HIVEP1: variants seen among roughly 807,000 people sequenced by gnomAD.
HIVEP1 encodes HIVEP zinc finger 1.
Under a neutral mutation model 180.0 loss-of-function variants are expected in HIVEP1, and 36 were observed. The ratio of observed to expected loss-of-function variants is 0.20; its 90% CI spans 0.15 to 0.26. The LOEUF (loss-of-function observed/expected upper bound fraction) is 0.26. HIVEP1 is among the 10% of genes least tolerant of loss of function. The pLI is 1.00. For missense variants in HIVEP1, 3,143 were observed against 3,268.7 expected (o/e 0.96, Z 0.94); for synonymous variants, 1,239 against 1,239.0 (o/e 1.00, Z 0.00).
the HIVEP1 span, among the ~76,000 whole-genome samples, chr6:12,190,781 G>C: frequency 6.6e-6 from 1 of 151,932 alleles, no homozygotes; most frequent in African/African-American, 2.4e-5. Flanking sequence ...TTCTCTTGTC[G>C]ACACCTGTAA....
intron 2 of HIVEP1, among the ~76,000 whole-genome samples, chr6:12,022,634 C>T (rs1344252132): frequency 6.6e-6 from 1 of 152,140 alleles, no homozygotes; most frequent in Admixed American, 6.5e-5. Context: ...TAAGCATTTG[C>T]CACAGTGCCT....
intron 2 of HIVEP1, among the ~76,000 whole-genome samples, chr6:12,042,927 T>G (rs996413666): frequency 6.6e-6 from 1 of 152,244 alleles, no homozygotes; most frequent in African/African-American, 2.4e-5. Flanking sequence ...CCATTTGTAC[T>G]TATTTTTGTG....
chr6:12,164,905 G>A lies in HIVEP1; in HGVS notation c.*444G>A, dbSNP rs1760654354. 4.2e-6 allele frequency: 1 copy of A among 236,820 alleles called. No homozygotes were observed. The highest frequency in any genetic ancestry group is 8.5e-6 in the Non-Finnish European group (1 of 117,680). 14.7% of individuals were successfully genotyped at this position (236,820 alleles called of 1,614,324 possible). A position where few individuals can be genotyped will look rare whatever the true frequency, so the allele number is the denominator to read the frequency against. ...TGTATTCATATTAGTCTTTGAAAAT[G>A]GGTCTGTCCTCCTTGTGTAAGACAG... On this transcript the variant is annotated 3_prime_UTR_variant, in exon 9 of 9. Coordinates refer to ENST00000379388, the MANE Select transcript of HIVEP1 (RefSeq NM_002114.4).
chr6:12,168,949 G>T (rs145103933), downstream of HIVEP1, among the ~76,000 whole-genome samples: 2 of 150,350 alleles, frequency 1.3e-5, no homozygotes, highest in Non-Finnish European at 3.0e-5. Flanking sequence ...GTGCAGTGGC[G>T]CAATCTCAGC....
the HIVEP1 span, among the ~76,000 whole-genome samples, chr6:12,197,024 A>C: frequency 6.6e-6 from 1 of 152,250 alleles, no homozygotes; most frequent in African/African-American, 2.4e-5. Context: ...AAGTAAATCA[A>C]CTTCAATTCA....
At chr6:12,158,648 C>T (rs776971053) in intron 7 of HIVEP1, among the ~76,000 whole-genome samples, 1 of 152,108 alleles carries the variant, frequency 6.6e-6, no homozygotes, top group Non-Finnish European at 1.5e-5. Flanking sequence ...TCTCAGTTCT[C>T]CTCCCTCTCC....
At chr6:12,108,521 C>G (rs925769411) in intron 3 of HIVEP1, among the ~76,000 whole-genome samples, 1 of 152,342 alleles carries the variant, frequency 6.6e-6, no homozygotes, top group Non-Finnish European at 1.5e-5. Context: ...CTGCAGGTCC[C>G]GAGCCCTGCC....
intron 2 of HIVEP1, among the ~76,000 whole-genome samples, chr6:12,065,886 T>C (rs191810045): frequency 6.6e-6 from 1 of 152,208 alleles, no homozygotes; most frequent in Non-Finnish European, 1.5e-5. Context: ...GGTTCAGATG[T>C]AGATGTGAAG....
the HIVEP1 span, among the ~76,000 whole-genome samples, chr6:12,170,213 A>G: frequency 6.6e-6 from 1 of 152,198 alleles, no homozygotes; most frequent in Non-Finnish European, 1.5e-5. Flanking sequence ...AAGAGTAAGT[A>G]AGCAAGATGC....
At chr6:12,136,838 T>TA (rs1355971309) in intron 7 of HIVEP1, among the ~76,000 whole-genome samples, 4 of 152,176 alleles carry the variant, frequency 2.6e-5, no homozygotes, top group African/African-American at 9.7e-5. Flanking sequence ...AGAATAGAAA[T>TA]ATGTTTTTGT....
chr6:12,208,956 C>T, the HIVEP1 span, among the ~76,000 whole-genome samples: 2 of 152,348 alleles, frequency 1.3e-5, no homozygotes, highest in South Asian at 4.1e-4. Context: ...GGATTAATCT[C>T]CTACTTCTTG....
chr6:12,167,572 TTATATATACGTTATATTACATG>T (rs797012563), downstream of HIVEP1, among the ~76,000 whole-genome samples: 2,228 of 8,230 alleles, frequency 0.27, 30 homozygotes, highest in African/African-American at 0.32. Context: ...TACATGCATG[TTATATATACGTTATATTACATG>T]TATATATACA....
intron 2 of HIVEP1, among the ~76,000 whole-genome samples, chr6:12,064,593 A>G (rs370425305): frequency 2.6e-5 from 4 of 152,190 alleles, no homozygotes; most frequent in African/African-American, 4.8e-5. Context: ...GATTTCTACC[A>G]TAGTAAAATG....
rs148565694 is a variant in HIVEP1 at position 12,046,648 on chromosome 6, G to A, written c.40+30980G>A. ...ACAAAAATTAGCCAGGCATGGTGGC[G>A]CGTGCCTGTAGTCCCAGCTACTCGG... On this transcript the variant is annotated intron_variant, in intron 2 of 8. Coordinates refer to ENST00000379388, the MANE Select transcript of HIVEP1 (RefSeq NM_002114.4). Among the ~76,000 whole-genome samples the A allele has an allele frequency of 4.3e-3, 650 of 151,966 alleles. 7 individuals carry two copies. The highest frequency in any genetic ancestry group is 7.0e-3 in the Non-Finnish European group (476 of 67,926).
intron 2 of HIVEP1, 24 bp downstream of exon 2, chr6:12,015,692 G>T: frequency 6.2e-7 from 1 of 1,604,274 alleles, no homozygotes; most frequent in Non-Finnish European, 8.5e-7. Context: ...TTAAGTAGAA[G>T]TAAGGCTTGC....
intron 2 of HIVEP1, among the ~76,000 whole-genome samples, chr6:12,079,427 C>A (rs1222668521): frequency 1.3e-5 from 2 of 152,090 alleles, no homozygotes; most frequent in Admixed American, 1.3e-4. Context: ...ACATTCTTAG[C>A]CATGAAGTGC....
At chr6:12,151,742 T>C (rs1392230849) in intron 7 of HIVEP1, among the ~76,000 whole-genome samples, 2 of 152,340 alleles carry the variant, frequency 1.3e-5, no homozygotes, top group South Asian at 2.1e-4. Context: ...TCATGAATAC[T>C]AAACTGTGAC....
At chr6:12,109,001 A>T (rs1018580231) in intron 3 of HIVEP1, among the ~76,000 whole-genome samples, 4 of 151,856 alleles carry the variant, frequency 2.6e-5, no homozygotes, top group Non-Finnish European at 4.4e-5. Flanking sequence ...TTTTTTTGAG[A>T]CAGACTCTCG....
Position 12,120,948 on chromosome 6 carries a change from C to G in HIVEP1, c.1153C>G (p.Gln385Glu), listed in dbSNP as rs930604509. Reference sequence around the variant, plus strand: ...AACTCATGTTGCCTCTGTTGTTAATCAAAGCGTAGAGCAAATGTGCAATCT... The same window carrying G: ...AACTCATGTTGCCTCTGTTGTTAATGAAAGCGTAGAGCAAATGTGCAATCT... ...NSTHVASVVN[Q>E]SVEQMCNLLL... The change falls in exon 4 of 9, where the codon CAA becomes GAA. Residue 385 changes from glutamine (Q) to glutamate (E), a missense_variant. Physicochemically the swap from Gln to Glu is conservative, Grantham distance 29. Transcript: ENST00000379388. 1.2e-6 allele frequency: 2 copies of G among 1,614,006 alleles called. No homozygotes were observed. The highest frequency in any genetic ancestry group is 1.7e-5 in the Admixed American group (1 of 60,008).
Sources: gnomAD v4.1 joint callset for allele counts (sites outside exome capture counted in the v4.1 genomes callset) on GRCh38, gnomAD v4.1.1 for gene constraint, MANE v1.5 for transcripts, NCBI Gene and HGNC (gene_info 2026-07-23, HGNC 2026-07-21) for gene names.